The following CDH11 variants were observed in gnomAD, a reference collection of about 807,000 sequenced individuals.
CDH11 encodes the protein cadherin 11.
In CDH11, 11 loss-of-function variants were observed where a neutral mutation model predicts 67.8. That is an observed-to-expected ratio of 0.16 (90% confidence interval 0.10 to 0.27). The LOEUF (loss-of-function observed/expected upper bound fraction) is 0.27. CDH11 is among the 10% of genes least tolerant of loss of function. The pLI, the probability that CDH11 is intolerant of heterozygous loss-of-function variation, is 1.00. For synonymous variants in CDH11, 419 were observed against 400.0 expected (o/e 1.05, Z -0.57); for missense variants, 847 against 1,031.2 (o/e 0.82, Z 2.45).
chr16:65,057,361 G>C (rs1016145189), intron 1 of CDH11, among the ~76,000 whole-genome samples: 2 of 152,162 alleles, frequency 1.3e-5, no homozygotes, highest in Non-Finnish European at 2.9e-5. Flanking sequence ...TTCAAGTACA[G>C]CGCCATTGTC....
chr16:65,079,954 T>A (rs998343429), intron 1 of CDH11, among the ~76,000 whole-genome samples: 3 of 152,198 alleles, frequency 2.0e-5, no homozygotes, highest in African/African-American at 7.2e-5. Flanking sequence ...AATTTTTAAG[T>A]TTTACTTCTT....
In CDH11 at chr16:65,066,373, G is replaced by A. The variant is rs369492484; in HGVS notation, c.-297-12445C>T. Among the ~76,000 whole-genome samples, 86 of 152,276 alleles carry A rather than the reference G, an allele frequency of 5.6e-4. 2 individuals are homozygous for A. The South Asian group carries it at 0.017, about 30-fold the overall frequency. On this transcript the variant is annotated intron_variant, in intron 1 of 12. Coordinates refer to ENST00000268603, the MANE Select transcript of CDH11 (RefSeq NM_001797.4). Reference sequence around the variant, plus strand: ...AGATAATGACACAGTGTAATTCTGTGAGCAGATGTTTCTTGAGCATCTATT... The same window carrying A: ...AGATAATGACACAGTGTAATTCTGTAAGCAGATGTTTCTTGAGCATCTATT...
intron 2 of CDH11, among the ~76,000 whole-genome samples, chr16:65,010,949 TGACATATATATATATATGTG>T (rs2142546548): frequency 1.0e-5 from 1 of 99,282 alleles, no homozygotes; most frequent in South Asian, 4.8e-4. Context: ...TATATATGTG[TGACATATATATATATATGTG>T]TTTATATATA....
chr16:64,947,480 C>T lies in CDH11; in HGVS notation c.*123G>A. On this transcript the variant is annotated 3_prime_UTR_variant, in exon 13 of 13. Transcript: ENST00000268603. ...CGCAGTTTTATTAAATGTATCCTCT[C>T]TGTAAAACTTTGCCTGTTTTAAATG... The T allele has an allele frequency of 6.7e-7, 1 of 1,499,052 alleles. No homozygotes were observed. Among genetic ancestry groups the T allele is most frequent in the East Asian group, 2.3e-5 (1 of 43,766 alleles). 92.9% of individuals were successfully genotyped at this position (1,499,052 alleles called of 1,614,324 possible). A position where few individuals can be genotyped will look rare whatever the true frequency, so the allele number is the denominator to read the frequency against.
Position 65,053,948 on chromosome 16 carries a change from C to A in CDH11, c.-297-20G>T, listed in dbSNP as rs1195934083. 1 of 455,904 alleles carries A rather than the reference C, an allele frequency of 2.2e-6. No homozygotes were observed. 28.2% of individuals were successfully genotyped at this position (455,904 alleles called of 1,614,324 possible). A position where few individuals can be genotyped will look rare whatever the true frequency, so the allele number is the denominator to read the frequency against. On this transcript the variant is annotated intron_variant, in intron 1 of 12. Coordinates refer to ENST00000268603, the MANE Select transcript of CDH11 (RefSeq NM_001797.4). ...TGATTTCTGCAAAAAGTGAAAGGATCATTAGTAACCTAGTGGTGCCATGAA... is the reference window on the plus strand; with the variant it reads ...TGATTTCTGCAAAAAGTGAAAGGATAATTAGTAACCTAGTGGTGCCATGAA...
intron 6 of CDH11, 138 bp from the exon 7 acceptor site, chr16:64,988,482 G>T (rs1040102307): frequency 6.7e-6 from 5 of 742,010 alleles, no homozygotes; most frequent in Non-Finnish European, 8.6e-6. Flanking sequence ...AAAGAAGTGA[G>T]TGGATGTGGG....
Position 64,948,140 on chromosome 16 carries a change from A to G in CDH11, c.1895-41T>C, listed in dbSNP as rs775587639. The stretch of plus-strand genomic sequence containing the variant: ...AAGAAGGTAAGCATTCGTTAAGTCC[A>G]GTATTCCTGGGTTCTTCTGCCAGAG... On this transcript the variant is annotated intron_variant, in intron 12 of 12. Coordinates refer to ENST00000268603, the MANE Select transcript of CDH11 (RefSeq NM_001797.4). The G allele has an allele frequency of 3.2e-6, 5 of 1,578,372 alleles. No homozygotes were observed. The Admixed American group carries it at 7.0e-5, about 22-fold the overall frequency.
intron 2 of CDH11, among the ~76,000 whole-genome samples, chr16:65,028,159 T>C (rs1013057832): frequency 1.3e-5 from 2 of 152,172 alleles, no homozygotes; most frequent in African/African-American, 4.8e-5. Flanking sequence ...TTATGCCTTG[T>C]TTCCTGGGAA....
intron 1 of CDH11, among the ~76,000 whole-genome samples, chr16:65,094,132 A>G (rs1307752733): frequency 6.6e-6 from 1 of 152,228 alleles, no homozygotes; most frequent in Non-Finnish European, 1.5e-5. Flanking sequence ...AGATTTAAAC[A>G]AAGGGAAGTT....
intron 1 of CDH11, among the ~76,000 whole-genome samples, chr16:65,117,680 G>C (rs1404001907): frequency 2.0e-5 from 3 of 151,992 alleles, no homozygotes; most frequent in African/African-American, 4.8e-5. Flanking sequence ...ATTCCTTTTT[G>C]CAAATTAGAA....
chr16:65,072,171 A>T, intron 1 of CDH11: 1 of 152,416 alleles, frequency 6.6e-6, no homozygotes, highest in Non-Finnish European at 1.5e-5. Flanking sequence ...TCATGTGGGG[A>T]GACCAAGGGC....
intron 12 of CDH11, chr16:64,948,670 C>T: frequency 1.2e-6 from 2 of 1,610,118 alleles, no homozygotes; most frequent in South Asian, 1.1e-5. Context: ...TATAAAGACC[C>T]CCAGAAGACA....
At chr16:65,119,987 T>C (rs1430987474) in intron 1 of CDH11, among the ~76,000 whole-genome samples, 2 of 152,180 alleles carry the variant, frequency 1.3e-5, no homozygotes, top group Non-Finnish European at 2.9e-5. Context: ...GAATCAGAGA[T>C]TACATTTAAG....
chr16:65,107,349 C>T (rs2075082084), intron 1 of CDH11, among the ~76,000 whole-genome samples: 1 of 152,208 alleles, frequency 6.6e-6, no homozygotes, highest in Non-Finnish European at 1.5e-5. Context: ...ATTCATGGGA[C>T]ATGCTGAACG....
intron 11 of CDH11, among the ~76,000 whole-genome samples, chr16:64,961,735 A>G (rs2071680910): frequency 1.3e-5 from 2 of 152,176 alleles, no homozygotes; most frequent in Non-Finnish European, 2.9e-5. Context: ...GTTGAAAATT[A>G]AAATTATGAA....
intron 2 of CDH11, among the ~76,000 whole-genome samples, chr16:65,022,771 A>C (rs2073452672): frequency 6.6e-6 from 1 of 152,200 alleles, no homozygotes; most frequent in Non-Finnish European, 1.5e-5. Context: ...AAATGCTGAA[A>C]AAAACAGAGT....
intron 8 of CDH11, among the ~76,000 whole-genome samples, chr16:64,979,925 G>A (rs1349664143): frequency 1.3e-5 from 2 of 152,154 alleles, no homozygotes; most frequent in African/African-American, 4.8e-5. Flanking sequence ...CAACATGTAT[G>A]AACCTCAAAA....
chr16:65,101,968 T>C (rs1280184791), intron 1 of CDH11, among the ~76,000 whole-genome samples: 1 of 152,198 alleles, frequency 6.6e-6, no homozygotes, highest in Admixed American at 6.5e-5. Context: ...TTTGTTGTTG[T>C]TTGTTTCAGG....
intron 2 of CDH11, among the ~76,000 whole-genome samples, chr16:65,037,726 C>T (rs896562126): frequency 6.6e-6 from 1 of 152,076 alleles, no homozygotes; most frequent in African/African-American, 2.4e-5. Context: ...TGTTCCACTT[C>T]CCCGAGAAGA....
Sources: gnomAD v4.1 joint callset for allele counts (sites outside exome capture counted in the v4.1 genomes callset) on GRCh38, gnomAD v4.1.1 for gene constraint, MANE v1.5 for transcripts, NCBI Gene and HGNC (gene_info 2026-07-23, HGNC 2026-07-21) for gene names.